The following CYFIP1 variants were observed in gnomAD, a reference collection of about 807,000 sequenced individuals.
The protein encoded by CYFIP1 is cytoplasmic FMR1-interacting protein 1.
CYFIP1 carries 58 observed loss-of-function variants against 163.5 expected under a neutral mutation model. The observed-to-expected ratio is 0.35, with a 90% confidence interval of 0.29 to 0.44. CYFIP1 has a LOEUF of 0.44. Among genes scored for constraint, CYFIP1 ranks in the 20% least tolerant of loss-of-function variants. CYFIP1 has a pLI of 1.00. For missense variants in CYFIP1, 1,338 were observed against 1,653.8 expected, an observed-to-expected ratio of 0.81 and a Z score of 3.31; for synonymous variants, 663 against 660.7, an observed-to-expected ratio of 1.00 and a Z score of -0.05.
intron 1 of CYFIP1, among the ~76,000 whole-genome samples, chr15:22,965,302 T>C (rs1354884294): frequency 6.6e-6 from 1 of 152,064 alleles, no homozygotes; most frequent in African/African-American, 2.4e-5. Flanking sequence ...CTACTAAAAA[T>C]ACAAAAATTA....
In CYFIP1 at chr15:22,964,581, C is replaced by T. The variant is rs78005143; in HGVS notation, c.-7+15706G>A. ...GGAGTCGGGAACCAAGTGCAGCCGG[C>T]GAAGATGCCACGGGCACCTGAGACA... On this transcript the variant is annotated intron_variant, in intron 1 of 30. Transcript: ENST00000617928. Among the ~76,000 whole-genome samples the T allele has an allele frequency of 5.2e-3, 791 of 152,190 alleles. 21 individuals carry two copies. In the East Asian group the frequency reaches 0.058, roughly 11 times the overall value.
At chr15:22,908,485 T>C (rs2060658099) in intron 21 of CYFIP1, among the ~76,000 whole-genome samples, 1 of 150,360 alleles carries the variant, frequency 6.7e-6, no homozygotes, top group African/African-American at 2.5e-5. Flanking sequence ...GGAAGACCCT[T>C]GTGGGCTCTC....
At position 22,868,189 on chromosome 15, in the gene CYFIP1, C is replaced by A. The variant is rs1304605578; in HGVS notation, c.*1839G>T. 2.6e-5 allele frequency: 4 copies of A among 152,202 alleles called. No homozygotes were observed. In the East Asian group the frequency reaches 7.7e-4, roughly 29 times the overall value. 9.4% of individuals were successfully genotyped at this position (152,202 alleles called of 1,614,324 possible). ...TTTTTCCAACTTTATTATTGGCCTT[C>A]TAAGGAGCTGTTTTAGATGTTTTTT... On this transcript the variant is annotated 3_prime_UTR_variant, in exon 31 of 31. Coordinates refer to ENST00000617928, the MANE Select transcript of CYFIP1 (RefSeq NM_014608.6).
intron 6 of CYFIP1, among the ~76,000 whole-genome samples, 185 bp downstream of exon 6, chr15:22,942,988 T>C (rs999861516): frequency 6.6e-6 from 1 of 152,222 alleles, no homozygotes; most frequent in Non-Finnish European, 1.5e-5. Flanking sequence ...TATGCACTTA[T>C]CTGCTGGCTC....
At position 22,917,748 on chromosome 15, in the gene CYFIP1, C is replaced by A; in HGVS notation, c.1674+40G>T. The A allele has an allele frequency of 6.6e-7, 1 of 1,515,980 alleles. No individual in the cohort carries two copies. The highest frequency in any genetic ancestry group is 8.9e-7 in the Non-Finnish European group (1 of 1,128,806). 93.9% of individuals were successfully genotyped at this position (1,515,980 alleles called of 1,614,324 possible). ...CCGCTCACAGCTCAGGGTGGGTCCC[C>A]CCAGGGAGAGGGTGCAGGCGGGGCT... On this transcript the variant is annotated intron_variant, in intron 15 of 30. Transcript: ENST00000617928. The surrounding 1 kb of genome is among the most constrained non-coding windows in gnomAD (Gnocchi z 4.2).
chr15:22,898,149 G>A (rs955296308), intron 22 of CYFIP1, among the ~76,000 whole-genome samples: 2 of 152,150 alleles, frequency 1.3e-5, no homozygotes, highest in African/African-American at 2.4e-5. Flanking sequence ...TCAGCAAAAG[G>A]TCCGAGTCTG....
At chr15:22,934,485 CTTTTTT>C (rs35881374) in intron 9 of CYFIP1, among the ~76,000 whole-genome samples, 4 of 49,798 alleles carry the variant, frequency 8.0e-5, no homozygotes, top group Non-Finnish European at 1.1e-4. Context: ...GCACCCAGCC[CTTTTTT>C]TTTTTTTTTT....
intron 3 of CYFIP1, among the ~76,000 whole-genome samples, chr15:22,946,291 T>C (rs907689910): frequency 6.7e-6 from 1 of 148,254 alleles, no homozygotes; most frequent in Non-Finnish European, 1.5e-5. Flanking sequence ...GCAACCTGAG[T>C]GAGACCATCT....
intron 13 of CYFIP1, among the ~76,000 whole-genome samples, chr15:22,924,312 T>A (rs997636177): frequency 6.6e-6 from 1 of 152,098 alleles, no homozygotes; most frequent in Non-Finnish European, 1.5e-5. Context: ...TAATCCCAGC[T>A]ACTCTGGAGA....
intron 9 of CYFIP1, among the ~76,000 whole-genome samples, 163 bp from the exon 10 acceptor site, chr15:22,934,056 T>C (rs1026980336): frequency 3.3e-5 from 5 of 151,768 alleles, no homozygotes; most frequent in African/African-American, 9.7e-5. Context: ...TACATTCGCT[T>C]TGAGAGGAAC....
rs1174611941 is a variant in CYFIP1 at position 22,867,803 on chromosome 15, T to G, written c.*2225A>C. 1 of 152,184 alleles carries G rather than the reference T, an allele frequency of 6.6e-6. No homozygotes were observed. Among genetic ancestry groups the G allele is most frequent in the Non-Finnish European group, 1.5e-5 (1 of 68,028 alleles). The allele number at this position is 152,184 out of a possible 1,614,324, so 9.4% of individuals were successfully genotyped here. ...GGTCTCTTTGTACCAAGTACTTTGC[T>G]TAAGAGCTCCTTTGGGCCACTACAT... is the stretch of plus-strand genomic sequence containing the variant. On this transcript the variant is annotated 3_prime_UTR_variant, in exon 31 of 31. Transcript: ENST00000617928.
chr15:22,889,220 T>C (rs2060005503), intron 23 of CYFIP1, among the ~76,000 whole-genome samples: 1 of 151,948 alleles, frequency 6.6e-6, no homozygotes, highest in Admixed American at 6.5e-5. Context: ...CATCAAATCT[T>C]TCTTTCTCTC....
At position 22,917,184 on chromosome 15, in the gene CYFIP1, A is replaced by G. The variant is rs2061015062; in HGVS notation, c.1675-554T>C. 7.0e-7 allele frequency: 1 copy of G among 1,427,530 alleles called. No individual in the cohort carries two copies. 88.4% of individuals were successfully genotyped at this position (1,427,530 alleles called of 1,614,324 possible). A position where few individuals can be genotyped will look rare whatever the true frequency, so the allele number is the denominator to read the frequency against. The stretch of plus-strand genomic sequence containing the variant: ...AGGGCCGTCCCCCTGACCCTCCTGC[A>G]GAGCCAGCAGCGTGCATTGCTGGTG... On this transcript the variant is annotated intron_variant, in intron 15 of 30. Coordinates refer to ENST00000617928, the MANE Select transcript of CYFIP1 (RefSeq NM_014608.6). The surrounding 1 kb of genome is among the most constrained non-coding windows in gnomAD (Gnocchi z 4.2).
At chr15:22,896,320 G>GT (rs2060234376) in intron 22 of CYFIP1, among the ~76,000 whole-genome samples, 1 of 152,050 alleles carries the variant, frequency 6.6e-6, no homozygotes, top group Non-Finnish European at 1.5e-5. Context: ...CTTTTCCTTT[G>GT]TGTCGATCCT....
intron 13 of CYFIP1, among the ~76,000 whole-genome samples, 190 bp downstream of exon 13, chr15:22,925,792 T>C (rs1241281233): frequency 1.3e-5 from 2 of 152,136 alleles, no homozygotes; most frequent in Non-Finnish European, 2.9e-5. Flanking sequence ...GGAGCTTCAG[T>C]GCAGACCCAG....
At chr15:22,883,100 G>T (rs1272092745) in intron 23 of CYFIP1, 89 bp from the exon 24 acceptor site, 8 of 1,487,482 alleles carry the variant, frequency 5.4e-6, no homozygotes, top group South Asian at 3.8e-5. Flanking sequence ...AACACACACA[G>T]GCTCAGGTGA....
chr15:22,925,054 G>C (rs914286887), intron 13 of CYFIP1, among the ~76,000 whole-genome samples: 2 of 152,132 alleles, frequency 1.3e-5, no homozygotes, highest in East Asian at 1.9e-4. Context: ...CACTGTTGTA[G>C]TGTTATTTTT....
At chr15:22,925,666 G>A (rs1440883914) in intron 13 of CYFIP1, among the ~76,000 whole-genome samples, 1 of 152,140 alleles carries the variant, frequency 6.6e-6, no homozygotes, top group East Asian at 1.9e-4. Flanking sequence ...TGCCTCACAG[G>A]AGAGCAAGAC....
intron 1 of CYFIP1, among the ~76,000 whole-genome samples, chr15:22,967,805 G>T (rs1245771139): frequency 6.6e-6 from 1 of 152,150 alleles, no homozygotes; most frequent in Non-Finnish European, 1.5e-5. Flanking sequence ...GGAGGTTGAG[G>T]TGGGAGGATC....
Sources: allele counts gnomAD v4.1 joint callset (sites outside exome capture counted in the v4.1 genomes callset), GRCh38; gene constraint gnomAD v4.1.1; non-coding constraint Gnocchi (gnomAD v3.1); transcripts MANE v1.5; gene names NCBI Gene and HGNC (gene_info 2026-07-23, HGNC 2026-07-21).